The following CLASP1 variants were observed in gnomAD, a reference collection of about 807,000 sequenced individuals.
The protein encoded by CLASP1 is CLIP-associating protein 1.
CLASP1 carries 38 observed loss-of-function variants against 192.3 expected under a neutral mutation model. That is an observed-to-expected ratio of 0.20 (90% confidence interval 0.15 to 0.26). CLASP1 has a LOEUF of 0.26. CLASP1 is among the 10% of genes least tolerant of loss of function. The pLI, the probability that CLASP1 is intolerant of heterozygous loss-of-function variation, is 1.00. For missense variants in CLASP1, 1,433 were observed against 1,932.5 expected, an observed-to-expected ratio of 0.74 and a Z score of 4.85; for synonymous variants, 691 against 712.8, an observed-to-expected ratio of 0.97 and a Z score of 0.49.
At chr2:121,379,273 G>C (rs1165239200) in intron 33 of CLASP1, among the ~76,000 whole-genome samples, 1 of 150,220 alleles carries the variant, frequency 6.7e-6, no homozygotes, top group Non-Finnish European at 1.5e-5. Flanking sequence ...AAAAAGAAAT[G>C]TGAACCTTGA....
intron 1 of CLASP1, among the ~76,000 whole-genome samples, chr2:121,607,539 T>C (rs779757013): frequency 1.3e-5 from 2 of 152,178 alleles, no homozygotes; most frequent in African/African-American, 2.4e-5. Context: ...GCTCTCTCGT[T>C]AACCTATAGC....
At chr2:121,527,975 T>A in intron 4 of CLASP1, 85 bp from the exon 5 acceptor site, 2 of 1,030,878 alleles carry the variant, frequency 1.9e-6, no homozygotes, top group Non-Finnish European at 1.5e-6. Flanking sequence ...GCAAGCCTCT[T>A]AACGAGCGCC....
chr2:121,578,689 C>T (rs2060805413), intron 2 of CLASP1, among the ~76,000 whole-genome samples: 1 of 150,572 alleles, frequency 6.6e-6, no homozygotes, highest in African/African-American at 2.4e-5. Flanking sequence ...GATTGCACCA[C>T]TGCACTCAAG....
In CLASP1 at chr2:121,399,260, G is replaced by C. The variant is rs10200330; in HGVS notation, c.2901-860C>G. Among the ~76,000 whole-genome samples the C allele has an allele frequency of 7.1e-3, 1,085 of 152,254 alleles. 11 individuals carry two copies. Among genetic ancestry groups the C allele is most frequent in the African/African-American group, 0.025 (1,022 of 41,538 alleles). ...ATAAAAAGCACATGGCACATATCAG[G>C]TACCAGTGTTATCCTACATATAATT... On this transcript the variant is annotated intron_variant, in intron 28 of 39. Coordinates refer to ENST00000263710, the Ensembl canonical transcript of CLASP1.
intron 2 of CLASP1, among the ~76,000 whole-genome samples, chr2:121,546,842 A>T (rs774361795): frequency 3.9e-5 from 6 of 152,178 alleles, no homozygotes; most frequent in South Asian, 2.1e-4. Context: ...TATGAAAAAG[A>T]GGTCAGACTG....
chr2:121,430,219 T>A, intron 19 of CLASP1, 42 bp from the exon 20 acceptor site: 1 of 1,430,756 alleles, frequency 7.0e-7, no homozygotes. Context: ...ACATTTCCAG[T>A]AAGTGCCACC....
At chr2:121,387,272 T>C (rs756224296) in intron 31 of CLASP1, 44 bp from the exon 33 acceptor site, 19 of 1,261,112 alleles carry the variant, frequency 1.5e-5, no homozygotes, top group Non-Finnish European at 2.1e-5. Flanking sequence ...GGGCTGTATA[T>C]AGAATATATT....
At chr2:121,458,898 G>A in exon 13 of CLASP1, 1 of 1,612,558 alleles carries the variant, frequency 6.2e-7, no homozygotes, top group Non-Finnish European at 8.5e-7. Context: ...GGCACTGTTT[G>A]GAATTAAATT....
chr2:121,409,996 A>ACCATAG (rs1456348477), intron 24 of CLASP1, among the ~76,000 whole-genome samples: 1 of 152,252 alleles, frequency 6.6e-6, no homozygotes, highest in Non-Finnish European at 1.5e-5. Context: ...AACTGGAATC[A>ACCATAG]CCATAGCCAT....
In CLASP1 at chr2:121,518,905, A is replaced by T. The variant is rs1198540279; in HGVS notation, c.547-3143T>A. On this transcript the variant is annotated intron_variant, in intron 6 of 39. Transcript: ENST00000263710. ...GAAAAAGAAAAAAAGAAAAATGCAT[A>T]TATTACAGAAGTAGTCAATGCTACT... Among the ~76,000 whole-genome samples the T allele has an allele frequency of 3.3e-5, 5 of 152,148 alleles. 1 individual carries two copies. The highest frequency in any genetic ancestry group is 4.8e-5 in the African/African-American group (2 of 41,420).
At chr2:121,572,911 C>G (rs2060112373) in intron 2 of CLASP1, among the ~76,000 whole-genome samples, 1 of 152,118 alleles carries the variant, frequency 6.6e-6, no homozygotes, top group Non-Finnish European at 1.5e-5. Context: ...TAGCTTGGGT[C>G]CCACTAACCC....
At chr2:121,531,604 A>C (rs1282337090) in intron 2 of CLASP1, among the ~76,000 whole-genome samples, 5 of 144,430 alleles carry the variant, frequency 3.5e-5, no homozygotes, top group Non-Finnish European at 7.6e-5. Flanking sequence ...AAAAAAAAAA[A>C]AAAAATAGTA....
chr2:121,594,162 T>C (rs2105788428), intron 2 of CLASP1, among the ~76,000 whole-genome samples: 1 of 147,040 alleles, frequency 6.8e-6, no homozygotes, highest in East Asian at 2.1e-4. Flanking sequence ...TAGCCGGGCG[T>C]GGTGGCGGGC....
intron 4 of CLASP1, 70 bp downstream of exon 4, chr2:121,528,603 TACAC>T (rs149080680): frequency 3.6e-6 from 4 of 1,118,870 alleles, no homozygotes; most frequent in Admixed American, 3.4e-5. Context: ...TTTGTGCAAG[TACAC>T]ACACACACCC....
rs115111776 is a variant in CLASP1 at position 121,496,689 on chromosome 2, G to A, written c.712+6478C>T. Reference sequence around the variant, plus strand: ...AAAACAGGCACACAGTCCCCTGTATGCAGGAGGGTTACAGTCCAATGCCGA... The same window carrying A: ...AAAACAGGCACACAGTCCCCTGTATACAGGAGGGTTACAGTCCAATGCCGA... On this transcript the variant is annotated intron_variant, in intron 8 of 39. Transcript: ENST00000263710. Among the ~76,000 whole-genome samples, 743 of 152,268 alleles carry A rather than the reference G, an allele frequency of 4.9e-3. 8 individuals carry two copies. The highest frequency in any genetic ancestry group is 0.017 in the African/African-American group (720 of 41,530).
At chr2:121,575,059 T>C (rs1156842726) in intron 2 of CLASP1, among the ~76,000 whole-genome samples, 2 of 152,190 alleles carry the variant, frequency 1.3e-5, no homozygotes, top group Non-Finnish European at 2.9e-5. Context: ...ATATTACATA[T>C]TTCAAAGCAT....
At chr2:121,392,024 T>A (rs1483952351) in intron 30 of CLASP1, among the ~76,000 whole-genome samples, 4 of 152,262 alleles carry the variant, frequency 2.6e-5, no homozygotes, top group Admixed American at 2.0e-4. Flanking sequence ...CATATTTTTT[T>A]AAAAGTCAAC....
At chr2:121,341,693 C>T (rs933124077) in intron 39 of CLASP1, among the ~76,000 whole-genome samples, 1 of 152,136 alleles carries the variant, frequency 6.6e-6, no homozygotes, top group Admixed American at 6.5e-5. Context: ...GATAAGACTT[C>T]GATACTCCAC....
At chr2:121,542,096 T>A (rs2095246996) in intron 2 of CLASP1, among the ~76,000 whole-genome samples, 1 of 117,948 alleles carries the variant, frequency 8.5e-6, no homozygotes, top group South Asian at 2.6e-4. Flanking sequence ...TCTTCCCAAG[T>A]CAATAAATAC....
Sources: allele counts gnomAD v4.1 joint callset (sites outside exome capture counted in the v4.1 genomes callset), GRCh38; gene constraint gnomAD v4.1.1; transcripts MANE v1.5; gene names NCBI Gene and HGNC (gene_info 2026-07-23, HGNC 2026-07-21).